Variants in RCAN2 observed in about 807,000 individuals in gnomAD.
The protein encoded by RCAN2 is regulator of calcineurin 2, also known as calcipressin-2.
Under a neutral mutation model 23.6 loss-of-function variants are expected in RCAN2, and 9 were observed. The ratio of observed to expected loss-of-function variants is 0.38; its 90% CI spans 0.23 to 0.67. The LOEUF is 0.67. Ranked by LOEUF, RCAN2 falls within the 30% of genes least tolerant of loss-of-function variation. RCAN2 has a pLI of 0.51. For synonymous variants in RCAN2, 109 were observed against 115.7 expected (o/e 0.94, Z 0.37); for missense variants, 273 against 302.3 (o/e 0.90, Z 0.72).
At chr6:46,453,261 T>G (rs993184979) in intron 2 of RCAN2, among the ~76,000 whole-genome samples, 3 of 152,218 alleles carry the variant, frequency 2.0e-5, no homozygotes, top group African/African-American at 7.2e-5. Context: ...TACAAAAATA[T>G]TTATACTTCA....
At chr6:46,349,913 G>A (rs1045809393) in intron 2 of RCAN2, among the ~76,000 whole-genome samples, 9 of 152,076 alleles carry the variant, frequency 5.9e-5, no homozygotes, top group African/African-American at 2.2e-4. Context: ...CCCTCACCGT[G>A]GCTTCCTATT....
chr6:46,437,081 T>C (rs1767392435), intron 2 of RCAN2, among the ~76,000 whole-genome samples: 1 of 152,198 alleles, frequency 6.6e-6, no homozygotes, highest in African/African-American at 2.4e-5. Flanking sequence ...TGGAAAAGCA[T>C]TTGGTTATAC....
At chr6:46,244,605 G>A (rs911840560) in intron 4 of RCAN2, among the ~76,000 whole-genome samples, 1 of 152,228 alleles carries the variant, frequency 6.6e-6, no homozygotes, top group Non-Finnish European at 1.5e-5. Context: ...GTGAGCTGGA[G>A]TCCAGCTGGG....
intron 2 of RCAN2, among the ~76,000 whole-genome samples, chr6:46,401,572 G>A (rs934454164): frequency 6.6e-6 from 1 of 152,136 alleles, no homozygotes; most frequent in Non-Finnish European, 1.5e-5. Flanking sequence ...TAATAATGGG[G>A]ACTGACCATG....
intron 2 of RCAN2, among the ~76,000 whole-genome samples, chr6:46,357,386 G>T (rs1031758973): frequency 6.6e-6 from 1 of 152,200 alleles, no homozygotes; most frequent in Admixed American, 6.5e-5. Flanking sequence ...GATCATTCAT[G>T]AAATGAAAAT....
chr6:46,407,365 T>A (rs889449215), intron 2 of RCAN2, among the ~76,000 whole-genome samples: 2 of 152,196 alleles, frequency 1.3e-5, no homozygotes, highest in Non-Finnish European at 1.5e-5. Flanking sequence ...CATACAAAGA[T>A]CTTAGCAAAA....
intron 2 of RCAN2, among the ~76,000 whole-genome samples, chr6:46,317,432 C>T (rs1008117843): frequency 3.3e-5 from 5 of 152,012 alleles, no homozygotes; most frequent in African/African-American, 1.2e-4. Flanking sequence ...CAGCTTTATA[C>T]CCCAATAACT....
chr6:46,408,261 T>C (rs1018097815), intron 2 of RCAN2, among the ~76,000 whole-genome samples: 6 of 152,160 alleles, frequency 3.9e-5, no homozygotes, highest in African/African-American at 1.4e-4. Flanking sequence ...CCTGTTTACA[T>C]GTTTAGAGCC....
chr6:46,444,050 G>A (rs540109613), intron 2 of RCAN2, among the ~76,000 whole-genome samples: 13 of 152,284 alleles, frequency 8.5e-5, no homozygotes, highest in Non-Finnish European at 1.9e-4. Flanking sequence ...CAGGCCCTAT[G>A]CAAGTCACTA....
At position 46,390,980 on chromosome 6, in the gene RCAN2, C is replaced by A. The variant is rs541000361; in HGVS notation, c.225+65772G>T. 3.9e-5 allele frequency among the ~76,000 whole-genome samples: 6 copies of A among 152,156 alleles called. No individual in the cohort carries two copies. In the East Asian group the frequency reaches 1.2e-3, roughly 29 times the overall value. On this transcript the variant is annotated intron_variant, in intron 2 of 4. Coordinates refer to ENST00000371374, the MANE Select transcript of RCAN2 (RefSeq NM_001251974.2). ...CCAGGGAGTCTTGGGGCAGCCTGGG[C>A]AGACAAAGGAAGCTGAGGCAAAGTC...
intron 2 of RCAN2, among the ~76,000 whole-genome samples, chr6:46,354,891 T>TTA (rs1218658331): frequency 1.0e-3 from 141 of 141,586 alleles, no homozygotes; most frequent in African/African-American, 3.6e-3. Flanking sequence ...AGGAAAAAGA[T>TTA]TATATATGTG....
chr6:46,387,674 C>T (rs1392621251), intron 2 of RCAN2, among the ~76,000 whole-genome samples: 1 of 152,180 alleles, frequency 6.6e-6, no homozygotes, highest in Admixed American at 6.5e-5. Context: ...ACTAGTTCAA[C>T]CATTGTGGAA....
At chr6:46,249,666 C>T (rs1034385425) in intron 2 of RCAN2, among the ~76,000 whole-genome samples, 1 of 152,126 alleles carries the variant, frequency 6.6e-6, no homozygotes, top group Non-Finnish European at 1.5e-5. Context: ...GGGATCCACT[C>T]CATCCAGTTT....
intron 2 of RCAN2, among the ~76,000 whole-genome samples, chr6:46,309,037 G>T (rs1412490151): frequency 6.6e-6 from 1 of 152,122 alleles, no homozygotes; most frequent in Non-Finnish European, 1.5e-5. Flanking sequence ...AGAGCTCCAG[G>T]CTTGGAAATA....
intron 2 of RCAN2, among the ~76,000 whole-genome samples, chr6:46,309,394 A>G (rs569669879): frequency 6.6e-6 from 1 of 152,182 alleles, no homozygotes; most frequent in Non-Finnish European, 1.5e-5. Flanking sequence ...GGGGTTAAAA[A>G]AAGGAGACAT....
At chr6:46,332,517 T>A (rs1418969803) in intron 2 of RCAN2, among the ~76,000 whole-genome samples, 2 of 143,468 alleles carry the variant, frequency 1.4e-5, no homozygotes, top group Non-Finnish European at 3.0e-5. Flanking sequence ...TGTCCATGTG[T>A]TCTCATTGTT....
chr6:46,240,645 G>C (rs924845547), intron 4 of RCAN2, among the ~76,000 whole-genome samples: 2 of 152,102 alleles, frequency 1.3e-5, no homozygotes, highest in African/African-American at 4.8e-5. Context: ...AATGAGAATC[G>C]AGGCCTTATA....
At chr6:46,490,709 A>T (rs1256716716) in intron 1 of RCAN2, among the ~76,000 whole-genome samples, 1 of 152,172 alleles carries the variant, frequency 6.6e-6, no homozygotes, top group African/African-American at 2.4e-5. Context: ...CCCCCTCCCC[A>T]GCCTCTGCAT....
intron 2 of RCAN2, among the ~76,000 whole-genome samples, chr6:46,401,639 G>A (rs568508180): frequency 5.9e-5 from 9 of 152,208 alleles, no homozygotes; most frequent in South Asian, 4.2e-4. Flanking sequence ...CGAACTATAC[G>A]GGTGGAAGTA....
Sources: gnomAD v4.1 joint callset for allele counts (sites outside exome capture counted in the v4.1 genomes callset) on GRCh38, gnomAD v4.1.1 for gene constraint, MANE v1.5 for transcripts, NCBI Gene and HGNC (gene_info 2026-07-23, HGNC 2026-07-21) for gene names.